Variants in TRIM51 observed in about 807,000 individuals in gnomAD.
The protein encoded by TRIM51 is tripartite motif-containing protein 51.
Under a neutral mutation model 32.7 loss-of-function variants are expected in TRIM51, and 23 were observed. That is an observed-to-expected ratio of 0.70 (90% CI 0.51 to 1.00). The LOEUF is 1.00. Ranked by LOEUF, TRIM51 falls within the 50% of genes least tolerant of loss-of-function variation. TRIM51 has a pLI of 0.00. For missense variants in TRIM51, 592 were observed against 539.2 expected (o/e 1.10, Z -0.97); for synonymous variants, 177 against 181.9 (o/e 0.97, Z 0.22).
chr11:55,887,937 A>T (rs1854597629), intron 3 of TRIM51, 95 bp from the exon 4 acceptor site: 12 of 921,672 alleles, frequency 1.3e-5, no homozygotes, highest in Middle Eastern at 3.2e-4. Flanking sequence ...AAGATTGAGG[A>T]TTAAAATATT....
Position 55,884,182 on chromosome 11 carries a change from T to TATATATATATATATATATATATAC in TRIM51, c.-5+799_-5+800insTATATATATATATATATATATACA, listed in dbSNP as rs1458218535. Among the ~76,000 whole-genome samples the TATATATATATATATATATATATAC allele has an allele frequency of 3.4e-3, 373 of 109,824 alleles. 2 individuals are homozygous for TATATATATATATATATATATATAC. Among genetic ancestry groups the TATATATATATATATATATATATAC allele is most frequent in the African/African-American group, 4.0e-3 (111 of 27,684 alleles). 72.0% of individuals were successfully genotyped at this position (109,824 alleles called of 152,430 possible). ...CTATATATATATATATATATATATATACACATACCAAAAATACTTACAATT... is the reference window on the plus strand; with the variant it reads ...CTATATATATATATATATATATATATATATATATATATATATATATATACACACATACCAAAAATACTTACAATT... On this transcript the variant is annotated intron_variant, in intron 1 of 6. Transcript: ENST00000449290.
chr11:55,888,076 G>C lies in TRIM51; in HGVS notation c.552G>C (p.Gln184His). 4.3e-6 allele frequency: 7 copies of C among 1,613,488 alleles called. No individual in the cohort carries two copies. The highest frequency in any genetic ancestry group is 5.9e-6 in the Non-Finnish European group (7 of 1,179,510). Residue 184 changes from glutamine to histidine, a missense_variant, in exon 4 of 7, where the codon CAG (glutamine) becomes CAC (histidine). Coordinates refer to ENST00000449290, the MANE Select transcript of TRIM51 (RefSeq NM_032681.4). The part of the protein sequence containing the change: ...LRIEAIRAEY[Q>H]KMPAFLHEEE... ...TAGAAGCAATCAGAGCTGAATATCAGAAGATGCCTGCATTTCTCCATGAAG... is the reference window on the plus strand; with the variant it reads ...TAGAAGCAATCAGAGCTGAATATCACAAGATGCCTGCATTTCTCCATGAAG...
rs1198466082 is a variant in TRIM51 at position 55,888,671 on chromosome 11, G to C, written c.739-308G>C. Among the ~76,000 whole-genome samples, 17 of 152,226 alleles carry C rather than the reference G, an allele frequency of 1.1e-4. No homozygotes were observed. The East Asian group carries it at 3.3e-3, about 30-fold the overall frequency. On this transcript the variant is annotated intron_variant, in intron 4 of 6. Coordinates refer to ENST00000449290, the MANE Select transcript of TRIM51 (RefSeq NM_032681.4). Reference sequence around the variant, plus strand: ...TATTATTTTGGGGTCCACTCATTTTGGTAACAGGGCTTAGGGAAGAAGACT... The same window carrying C: ...TATTATTTTGGGGTCCACTCATTTTCGTAACAGGGCTTAGGGAAGAAGACT...
intron 1 of TRIM51, among the ~76,000 whole-genome samples, chr11:55,885,154 C>G (rs142801506): frequency 3.2e-4 from 48 of 152,166 alleles, no homozygotes; most frequent in Non-Finnish European, 5.1e-4. Context: ...ATGTCGACAT[C>G]CAGGGAGTAG....
At chr11:55,888,824 G>A (rs1854609928) in intron 4 of TRIM51, among the ~76,000 whole-genome samples, 155 bp from the exon 5 acceptor site, 1 of 152,130 alleles carries the variant, frequency 6.6e-6, no homozygotes. Flanking sequence ...GATAGACTGG[G>A]ATTGTCATGA....
rs367991996 is a variant in TRIM51, at chr11:55,891,567, T to C, written c.1294T>C (p.Tyr432His). ...FVDVDQSSLI[Y>H]TIPNCSFSPP... ...TGATGTTGATCAAAGTTCCCTGATA[T>C]ACACCATCCCCAATTGCTCCTTCTC... Residue 432 changes from tyrosine to histidine, a missense_variant, in exon 7 of 7, where the codon TAC becomes CAC. Physicochemically the swap from Tyr to His is moderately conservative, Grantham distance 83. Transcript: ENST00000449290. The C allele has an allele frequency of 3.7e-5, 59 of 1,613,598 alleles. No homozygotes were observed. The African/African-American group carries it at 7.3e-4, about 20-fold the overall frequency.
chr11:55,891,222 G>T lies in TRIM51; in HGVS notation c.949G>T (p.Asp317Tyr), dbSNP rs948554711. The T allele has an allele frequency of 3.1e-6, 5 of 1,605,190 alleles. No homozygotes were observed. The highest frequency in any genetic ancestry group is 4.2e-6 in the Non-Finnish European group (5 of 1,179,734). Residue 317 changes from aspartate (D) to tyrosine (Y), a missense_variant, in exon 7 of 7, where the codon GAT becomes TAT. By Grantham distance (160) the Asp-to-Tyr change is radical. Coordinates refer to ENST00000449290, the MANE Select transcript of TRIM51 (RefSeq NM_032681.4). ...CATGAATGTTGGATGTGACCCTCAA[G>T]ATGATCCCGATATCACTGGAAAATC... is the stretch of plus-strand genomic sequence containing the variant. Reference protein sequence around the residue: ...RSMNVGCDPQDDPDITGKSEC... With the variant: ...RSMNVGCDPQYDPDITGKSEC...
Position 55,888,040 on chromosome 11 carries a change from G to T in TRIM51, c.516G>T (p.Val172=), listed in dbSNP as rs138812218. The T allele has an allele frequency of 6.3e-7, 1 of 1,594,408 alleles. No individual in the cohort carries two copies. Among genetic ancestry groups the T allele is most frequent in the African/African-American group, 1.3e-5 (1 of 74,518 alleles). Reference sequence around the variant, plus strand: ...ACTAATTGTCACTGCAGGATTATGTGAGTTTAAGGATAGAAGCAATCAGAG... The same window carrying T: ...ACTAATTGTCACTGCAGGATTATGTTAGTTTAAGGATAGAAGCAATCAGAG... The part of the protein sequence containing the change: ...TTRTRCWKDY[V]SLRIEAIRAE... Residue 172 remains valine, a synonymous_variant, in exon 4 of 7, where the codon GTG becomes GTT. Coordinates refer to ENST00000449290, the MANE Select transcript of TRIM51 (RefSeq NM_032681.4).
rs1274045532 is a variant in TRIM51 at position 55,891,325 on chromosome 11, G to T, written c.1052G>T (p.Trp351Leu). 6.2e-7 allele frequency: 1 copy of T among 1,611,748 alleles called. No individual in the cohort carries two copies. The highest frequency in any genetic ancestry group is 2.2e-5 in the East Asian group (1 of 44,886). ...YYWEVHMGDS[W>L]NWAFGVCNNY... is the part of the protein sequence containing the mutation. The stretch of plus-strand genomic sequence containing the variant: ...TGGGAGGTTCATATGGGGGACTCTT[G>T]GAATTGGGCTTTTGGTGTCTGTAAC... The change falls in exon 7 of 7, where the codon TGG becomes TTG. Residue 351 changes from tryptophan to leucine, a missense_variant. Transcript: ENST00000449290.
In TRIM51 at chr11:55,885,479, C is replaced by A. The variant is rs1177016846; in HGVS notation, c.51C>A (p.Ile17=). Residue 17 remains isoleucine, a synonymous_variant, in exon 2 of 7, where the codon ATC becomes ATA. Coordinates refer to ENST00000449290, the MANE Select transcript of TRIM51 (RefSeq NM_032681.4). The part of the protein sequence containing the change: ...QVFQRALTCP[I]CMNYFLDPVT... The stretch of plus-strand genomic sequence containing the variant: ...TCCAGAGGGCACTCACCTGTCCCAT[C>A]TGCATGAACTACTTCCTAGACCCAG... 4 of 1,612,010 alleles carry A rather than the reference C, an allele frequency of 2.5e-6. No individual in the cohort carries two copies. Among genetic ancestry groups the A allele is most frequent in the Non-Finnish European group, 3.4e-6 (4 of 1,179,708 alleles).
chr11:55,885,557 G>C lies in TRIM51; in HGVS notation c.129G>C (p.Trp43Cys). 1 of 1,611,916 alleles carries C rather than the reference G, an allele frequency of 6.2e-7. No homozygotes were observed. Among genetic ancestry groups the C allele is most frequent in the East Asian group, 2.2e-5 (1 of 44,864 alleles). ...SFCRPCLYLN[W>C]QDTAVLAQCS... ...GCCGGCCCTGTTTGTACCTCAACTG[G>C]CAAGACACGGCAGTTCTTGCTCAGT... is the stretch of plus-strand genomic sequence containing the variant. Residue 43 changes from tryptophan (W) to cysteine (C), a missense_variant, in exon 2 of 7, where the codon TGG becomes TGC. Transcript: ENST00000449290.
At chr11:55,889,312 A>G (rs1854618707) in intron 5 of TRIM51, among the ~76,000 whole-genome samples, 1 of 152,190 alleles carries the variant, frequency 6.6e-6, no homozygotes, top group East Asian at 1.9e-4. Context: ...TGCTCAAAAC[A>G]TTCATATTTG....
At position 55,885,032 on chromosome 11, in the gene TRIM51, A is replaced by G. The variant is rs143941463; in HGVS notation, c.-4-393A>G. ...TCTGACCATCTTCTCATGTTTTGTTACCCAATGTAGGTTTTCTACTCCTCT... is the reference window on the plus strand; with the variant it reads ...TCTGACCATCTTCTCATGTTTTGTTGCCCAATGTAGGTTTTCTACTCCTCT... On this transcript the variant is annotated intron_variant, in intron 1 of 6. Transcript: ENST00000449290. 9.0e-3 allele frequency among the ~76,000 whole-genome samples: 1,365 copies of G among 151,810 alleles called. 21 individuals are homozygous for G. The highest frequency in any genetic ancestry group is 0.031 in the African/African-American group (1,300 of 41,362).
In TRIM51 at chr11:55,888,993, A is replaced by G. The variant is rs374599680; in HGVS notation, c.753A>G (p.Ile251Met). Residue 251 changes from isoleucine (I) to methionine (M), a missense_variant, in exon 5 of 7, where the codon ATA (isoleucine) becomes ATG (methionine). Coordinates refer to ENST00000449290, the MANE Select transcript of TRIM51 (RefSeq NM_032681.4). ...TTTTTTTACAGGCTTTTGGAGACATATTACACAGGTGAGTGCACACCAAGA... is the reference window on the plus strand; with the variant it reads ...TTTTTTTACAGGCTTTTGGAGACATGTTACACAGGTGAGTGCACACCAAGA... ...DVELLQAFGD[I>M]LHRYESLLLQ... 9 of 1,611,342 alleles carry G rather than the reference A, an allele frequency of 5.6e-6. No individual in the cohort carries two copies. The African/African-American group carries it at 8.1e-5, about 14-fold the overall frequency.
At chr11:55,887,954 T>A in intron 3 of TRIM51, 78 bp from the exon 4 acceptor site, 1 of 1,062,988 alleles carries the variant, frequency 9.4e-7, no homozygotes, top group Non-Finnish European at 1.4e-6. Context: ...TATTGGGTGT[T>A]TAGAATGCTA....
chr11:55,890,324 C>T (rs543750903), intron 6 of TRIM51, among the ~76,000 whole-genome samples: 283 of 152,158 alleles, frequency 1.9e-3, no homozygotes, highest in Non-Finnish European at 2.9e-3. Context: ...TGGAAAAATG[C>T]TCAGAAGGAA....
At chr11:55,888,618 G>A (rs917218621) in intron 4 of TRIM51, among the ~76,000 whole-genome samples, 23 of 152,182 alleles carry the variant, frequency 1.5e-4, no homozygotes, top group Non-Finnish European at 2.9e-5. Context: ...GCATGATGGA[G>A]AAGTTGGGGA....
chr11:55,890,211 T>G (rs1035335907), intron 6 of TRIM51, among the ~76,000 whole-genome samples, 172 bp downstream of exon 6: 1 of 152,136 alleles, frequency 6.6e-6, no homozygotes, highest in Non-Finnish European at 1.5e-5. Context: ...AATTATAACA[T>G]GAAGAGTACA....
rs1337170962 is a variant in TRIM51, at chr11:55,891,393, G to A, written c.1120G>A (p.Glu374Lys). The change falls in exon 7 of 7, where the codon GAG becomes AAG. Residue 374 changes from glutamate (E) to lysine (K), a missense_variant. By Grantham distance (56) the Glu-to-Lys change is moderately conservative (BLOSUM62 1). Transcript: ENST00000449290. ...EKRQNDKIDGEEGLFLLGCVK... is the reference protein window; with the variant it reads ...EKRQNDKIDGKEGLFLLGCVK... ...GAGACAGAATGACAAGATAGATGGA[G>A]AGGAGGGACTCTTTCTTCTTGGATG... The A allele has an allele frequency of 2.5e-6, 4 of 1,612,340 alleles. No individual in the cohort carries two copies. The highest frequency in any genetic ancestry group is 3.4e-6 in the Non-Finnish European group (4 of 1,179,750).
Sources: allele counts gnomAD v4.1 joint callset (sites outside exome capture counted in the v4.1 genomes callset), GRCh38; gene constraint gnomAD v4.1.1; transcripts MANE v1.5; gene names NCBI Gene and HGNC (gene_info 2026-07-23, HGNC 2026-07-21).